The following FBXO45 variants were observed in gnomAD, a reference collection of about 807,000 sequenced individuals.
FBXO45 encodes F-box protein 45, also known as F-box/SPRY domain-containing protein 1.
FBXO45 carries 3 observed loss-of-function variants against 25.5 expected under a neutral mutation model. The observed-to-expected ratio is 0.12, with a 90% CI of 0.05 to 0.30. FBXO45 has a LOEUF of 0.30. FBXO45 is among the 10% of genes least tolerant of loss of function. FBXO45 has a pLI of 1.00. For missense variants in FBXO45, 219 were observed against 365.0 expected, an observed-to-expected ratio of 0.60 and a Z score of 3.26; for synonymous variants, 155 against 149.8, an observed-to-expected ratio of 1.03 and a Z score of -0.25.
chr3:196,574,996 GAT>G (rs143106802), intron 1 of FBXO45, among the ~76,000 whole-genome samples: 4,091 of 152,306 alleles, frequency 0.027, 148 homozygotes, highest in African/African-American at 0.082. Context: ...ACTGGGATGA[GAT>G]ATGTAGTAAA....
chr3:196,582,396 C>T (rs984109585), intron 2 of FBXO45, among the ~76,000 whole-genome samples: 1 of 151,962 alleles, frequency 6.6e-6, no homozygotes, highest in African/African-American at 2.4e-5. Context: ...TTCTTAGATC[C>T]ATAAAATGAG....
Position 196,581,223 on chromosome 3 carries a change from C to CTTTTTTTTTTTTTTTTTT in FBXO45, c.676-2899_676-2882dup. 1.5e-3 allele frequency among the ~76,000 whole-genome samples: 96 copies of CTTTTTTTTTTTTTTTTTT among 63,682 alleles called. 11 individuals are homozygous for CTTTTTTTTTTTTTTTTTT. The highest frequency in any genetic ancestry group is 1.7e-3 in the Non-Finnish European group (65 of 37,540). The allele number at this position is 63,682 out of a possible 152,430, so 41.8% of individuals were successfully genotyped here. On this transcript the variant is annotated intron_variant, in intron 2 of 2. Coordinates refer to ENST00000311630, the MANE Select transcript of FBXO45 (RefSeq NM_001105573.2). ...TAGAATTTCCTTTTTTTTCTTTTTCCTTTTTTTTTTTTTTTTTTTTTTTTT... is the reference window on the plus strand; with the variant it reads ...TAGAATTTCCTTTTTTTTCTTTTTCCTTTTTTTTTTTTTTTTTTTTTTTTTTTTTTTTTTTTTTTTTTT...
At chr3:196,582,975 AC>A (rs777757644) in intron 2 of FBXO45, among the ~76,000 whole-genome samples, 1 of 152,096 alleles carries the variant, frequency 6.6e-6, no homozygotes, top group Non-Finnish European at 1.5e-5. Flanking sequence ...TATACCCAAA[AC>A]TTTTTCCTCA....
intron 1 of FBXO45, among the ~76,000 whole-genome samples, chr3:196,574,587 G>A (rs1735881471): frequency 6.6e-6 from 1 of 152,132 alleles, no homozygotes; most frequent in Non-Finnish European, 1.5e-5. Context: ...TCATCGTGTT[G>A]CTTGACATGT....
At chr3:196,581,857 A>T (rs1444117861) in intron 2 of FBXO45, among the ~76,000 whole-genome samples, 1 of 152,186 alleles carries the variant, frequency 6.6e-6, no homozygotes, top group African/African-American at 2.4e-5. Flanking sequence ...TTGTTTTAGT[A>T]GGCAGTTAAC....
chr3:196,577,695 A>C lies in FBXO45; in HGVS notation c.561A>C (p.Ala187=). 6.2e-7 allele frequency: 1 copy of C among 1,613,992 alleles called. No individual in the cohort carries two copies. Among genetic ancestry groups the C allele is most frequent in the Non-Finnish European group, 8.5e-7 (1 of 1,179,880 alleles). ...RAPMQCQGYV[A]LLGSDDQSWG... is the part of the protein sequence containing the mutation. ...CCATGCAGTGCCAAGGTTATGTGGC[A>C]TTGCTGGGCAGTGATGACCAGAGCT... is the stretch of plus-strand genomic sequence containing the variant. Residue 187 remains alanine, a synonymous_variant, in exon 2 of 3, where the codon GCA becomes GCC. Coordinates refer to ENST00000311630, the MANE Select transcript of FBXO45 (RefSeq NM_001105573.2).
chr3:196,570,291 G>A (rs1231689321), intron 1 of FBXO45, among the ~76,000 whole-genome samples: 1 of 147,424 alleles, frequency 6.8e-6, no homozygotes, highest in Admixed American at 6.8e-5. Flanking sequence ...GAGACGGAGT[G>A]CAATGGCGTG....
At chr3:196,571,610 T>G (rs1215864062) in intron 1 of FBXO45, among the ~76,000 whole-genome samples, 1 of 152,226 alleles carries the variant, frequency 6.6e-6, no homozygotes, top group Non-Finnish European at 1.5e-5. Context: ...ATGTAATAGA[T>G]AATGTGTTCG....
chr3:196,569,260 G>T lies in FBXO45; in HGVS notation c.276G>T (p.Leu92=). The part of the protein sequence containing the change: ...LCARSLAEEA[L]RTDILCNLPS... ...CCCGCAGCCTGGCAGAAGAGGCTCT[G>T]CGCACGGACATCCTGTGCAACCTGC... is the stretch of plus-strand genomic sequence containing the variant. The change falls in exon 1 of 3, where the codon CTG becomes CTT. Residue 92 remains leucine (L), a synonymous_variant. Coordinates refer to ENST00000311630, the MANE Select transcript of FBXO45 (RefSeq NM_001105573.2). This position sits in a 1 kb window ranked among gnomAD's most constrained non-coding sequence, Gnocchi z 4.1. 6.3e-7 allele frequency: 1 copy of T among 1,585,276 alleles called. No individual in the cohort carries two copies. The highest frequency in any genetic ancestry group is 8.6e-7 in the Non-Finnish European group (1 of 1,166,342).
At chr3:196,571,722 TCTTA>T (rs1735829614) in intron 1 of FBXO45, among the ~76,000 whole-genome samples, 1 of 152,224 alleles carries the variant, frequency 6.6e-6, no homozygotes, top group African/African-American at 2.4e-5. Context: ...ATGCAACCTG[TCTTA>T]CTTTTTCTTT....
Position 196,584,037 on chromosome 3 carries a change from ATAT to A in FBXO45, c.676-94_676-92del. 8 of 1,157,836 alleles carry A rather than the reference ATAT, an allele frequency of 6.9e-6. No homozygotes were observed. Among genetic ancestry groups the A allele is most frequent in the Non-Finnish European group, 9.9e-6 (8 of 805,650 alleles). 71.7% of individuals were successfully genotyped at this position (1,157,836 alleles called of 1,614,324 possible). A position where few individuals can be genotyped will look rare whatever the true frequency, so the allele number is the denominator to read the frequency against. On this transcript the variant is annotated intron_variant, in intron 2 of 2. Transcript: ENST00000311630. This position sits in a 1 kb window ranked among gnomAD's most constrained non-coding sequence, Gnocchi z 4.3. ...ATTTTTCTAGATAGCTTTCAGGATA[ATAT>A]TCTTAATATTTTCAACTTCTTGATT...
chr3:196,579,885 C>T (rs1003401843), intron 2 of FBXO45, among the ~76,000 whole-genome samples: 1 of 152,156 alleles, frequency 6.6e-6, no homozygotes, highest in African/African-American at 2.4e-5. Context: ...TATGAAATGA[C>T]TTCCTTTGAC....
intron 2 of FBXO45, among the ~76,000 whole-genome samples, chr3:196,581,420 GA>G (rs527492335): frequency 0.034 from 5,110 of 151,320 alleles, 134 homozygotes; most frequent in Non-Finnish European, 0.049. Flanking sequence ...TAGTAGAGAT[GA>G]GGTTTCACCA....
intron 2 of FBXO45, among the ~76,000 whole-genome samples, chr3:196,583,483 G>A (rs1295827770): frequency 6.7e-6 from 1 of 149,746 alleles, no homozygotes; most frequent in Non-Finnish European, 1.5e-5. Flanking sequence ...TCCAGCCTGG[G>A]CGACAGAGCA....
intron 1 of FBXO45, among the ~76,000 whole-genome samples, chr3:196,573,782 TAA>T (rs1440491615): frequency 1.3e-5 from 2 of 152,172 alleles, no homozygotes; most frequent in African/African-American, 4.8e-5. Flanking sequence ...ATTAATTATT[TAA>T]GTCATACTTG....
chr3:196,570,324 G>A (rs896461414), intron 1 of FBXO45, among the ~76,000 whole-genome samples: 1 of 145,056 alleles, frequency 6.9e-6, no homozygotes, highest in Non-Finnish European at 1.5e-5. Context: ...CGCAACCTCC[G>A]CCTTCCAGGT....
chr3:196,582,072 C>G (rs1736019835), intron 2 of FBXO45, among the ~76,000 whole-genome samples: 1 of 152,172 alleles, frequency 6.6e-6, no homozygotes, highest in Admixed American at 6.5e-5. Flanking sequence ...GGAGTTCCTC[C>G]TCTAAGTTTC....
At chr3:196,570,057 A>C (rs2108724412) in intron 1 of FBXO45, among the ~76,000 whole-genome samples, 2 of 152,292 alleles carry the variant, frequency 1.3e-5, no homozygotes, top group South Asian at 2.1e-4. Context: ...TCATATACAA[A>C]ATAAAAATGT....
At chr3:196,571,624 G>C (rs1735827807) in intron 1 of FBXO45, among the ~76,000 whole-genome samples, 1 of 152,224 alleles carries the variant, frequency 6.6e-6, no homozygotes, top group African/African-American at 2.4e-5. Context: ...GTGTTCGTGT[G>C]AGTCAAGCTT....
Sources: gnomAD v4.1 joint callset for allele counts (sites outside exome capture counted in the v4.1 genomes callset) on GRCh38, gnomAD v4.1.1 for gene constraint, Gnocchi (gnomAD v3.1) non-coding constraint, MANE v1.5 for transcripts, NCBI Gene and HGNC (gene_info 2026-07-23, HGNC 2026-07-21) for gene names.